The following CCDC12 variants were observed in gnomAD, a reference collection of about 807,000 sequenced individuals.
The protein encoded by CCDC12 is coiled-coil domain containing 12.
CCDC12 carries 28 observed loss-of-function variants against 25.7 expected under a neutral mutation model. The observed-to-expected ratio is 1.09, with a 90% confidence interval of 0.81 to 1.50. CCDC12 has a LOEUF of 1.50. Among genes scored for constraint, CCDC12 ranks in the 40% most tolerant of loss-of-function variants. The pLI is 0.00. For missense variants in CCDC12, 198 were observed against 210.0 expected, an observed-to-expected ratio of 0.94 and a Z score of 0.35; for synonymous variants, 75 against 87.7, an observed-to-expected ratio of 0.86 and a Z score of 0.81.
At chr3:46,957,165 G>C (rs1373712481) in intron 1 of CCDC12, among the ~76,000 whole-genome samples, 1 of 152,126 alleles carries the variant, frequency 6.6e-6, no homozygotes, top group Non-Finnish European at 1.5e-5. Flanking sequence ...ACCCATAAGA[G>C]ACTCCAAATG....
At chr3:46,941,458 G>T (rs911013274) in intron 1 of CCDC12, among the ~76,000 whole-genome samples, 2 of 152,004 alleles carry the variant, frequency 1.3e-5, no homozygotes, top group African/African-American at 4.8e-5. Flanking sequence ...CCAGCTATTC[G>T]GGAGGCTGAG....
At chr3:46,927,899 G>A (rs888943610) in intron 2 of CCDC12, among the ~76,000 whole-genome samples, 8 of 152,192 alleles carry the variant, frequency 5.3e-5, no homozygotes, top group Admixed American at 2.0e-4. Context: ...GCCCACCCCC[G>A]GAATTCCACC....
intron 1 of CCDC12, among the ~76,000 whole-genome samples, chr3:46,949,966 C>T (rs947676656): frequency 3.4e-5 from 5 of 147,588 alleles, no homozygotes; most frequent in Admixed American, 6.9e-5. Context: ...GTAGTGGTTG[C>T]AGTGAGCCAA....
chr3:46,981,965 G>A (rs1434339136), exon 1 of CCDC12: 2 of 152,342 alleles, frequency 1.3e-5, no homozygotes, highest in Non-Finnish European at 2.9e-5. Flanking sequence ...AGGCTGGCAG[G>A]TTGTAGCTTT....
chr3:46,969,104 C>T (rs778665658), intron 1 of CCDC12, among the ~76,000 whole-genome samples: 3 of 152,134 alleles, frequency 2.0e-5, no homozygotes, highest in Non-Finnish European at 4.4e-5. Flanking sequence ...GATCAGGACA[C>T]GGACAAGTCT....
In CCDC12 at chr3:46,934,325, C is replaced by T. The variant is rs536398429; in HGVS notation, c.164+6673G>A. 3.9e-5 allele frequency among the ~76,000 whole-genome samples: 6 copies of T among 152,366 alleles called. No homozygotes were observed. The South Asian group carries it at 1.2e-3, about 32-fold the overall frequency. On this transcript the variant is annotated intron_variant, in intron 2 of 6. Transcript: ENST00000683445. ...AACCCCATAAGGCTGCCCTGAGTGG[C>T]AAACTGCCAGCAGCTGCTGCACTCT...
At chr3:46,976,805 G>C, upstream of CCDC12, 1 of 1,547,390 alleles carries the variant, frequency 6.5e-7, no homozygotes, top group Non-Finnish European at 8.7e-7. Flanking sequence ...TAAATGTCTC[G>C]CGGCCAATCC....
intron 1 of CCDC12, among the ~76,000 whole-genome samples, chr3:46,946,890 A>T (rs1178410968): frequency 6.6e-6 from 1 of 152,170 alleles, no homozygotes; most frequent in East Asian, 1.9e-4. Flanking sequence ...CTTCCCAAGG[A>T]CTCAAACTTT....
At chr3:46,928,746 C>T (rs1029761407) in intron 2 of CCDC12, among the ~76,000 whole-genome samples, 7 of 152,190 alleles carry the variant, frequency 4.6e-5, no homozygotes, top group Middle Eastern at 3.4e-3. Context: ...TCAGTGAATC[C>T]GTTATTCAAG....
chr3:46,930,104 G>T (rs2033148281), intron 2 of CCDC12, among the ~76,000 whole-genome samples: 1 of 151,738 alleles, frequency 6.6e-6, no homozygotes, highest in Non-Finnish European at 1.5e-5. Context: ...TGATCTCCTG[G>T]GCTTAAGCAA....
At chr3:46,976,268 A>C in intron 1 of CCDC12, 1 of 1,061,980 alleles carries the variant, frequency 9.4e-7, no homozygotes. Flanking sequence ...GCGGGGGTTA[A>C]AGACCAGCTA....
intron 3 of CCDC12, 87 bp downstream of exon 3, chr3:46,925,369 T>C: frequency 1.8e-6 from 2 of 1,128,720 alleles, no homozygotes; most frequent in Non-Finnish European, 2.7e-6. Flanking sequence ...CTGGTACTGC[T>C]GGTTATTCTC....
intron 2 of CCDC12, among the ~76,000 whole-genome samples, chr3:46,938,099 CA>C (rs1352593484): frequency 6.6e-6 from 1 of 152,174 alleles, no homozygotes; most frequent in Non-Finnish European, 1.5e-5. Flanking sequence ...TCCACTGCCT[CA>C]AAAGAGGCCA....
At chr3:46,972,287 A>G (rs2034828111) in intron 1 of CCDC12, among the ~76,000 whole-genome samples, 1 of 152,218 alleles carries the variant, frequency 6.6e-6, no homozygotes, top group Non-Finnish European at 1.5e-5. Context: ...TGGGAAACAC[A>G]GTGAGACCCC....
At chr3:46,958,943 A>C (rs2034381788) in intron 1 of CCDC12, among the ~76,000 whole-genome samples, 1 of 152,220 alleles carries the variant, frequency 6.6e-6, no homozygotes, top group Non-Finnish European at 1.5e-5. Flanking sequence ...GTCAATTTCC[A>C]GGCAAGTCAG....
intron 2 of CCDC12, among the ~76,000 whole-genome samples, chr3:46,929,226 GA>G (rs1278263257): frequency 6.6e-6 from 1 of 152,092 alleles, no homozygotes; most frequent in African/African-American, 2.4e-5. Context: ...ATCACTAAAA[GA>G]AAGGGAAAAC....
At chr3:46,957,400 C>T (rs887100090) in intron 1 of CCDC12, among the ~76,000 whole-genome samples, 2 of 152,058 alleles carry the variant, frequency 1.3e-5, no homozygotes, top group African/African-American at 2.4e-5. Context: ...GGCTGGCTCT[C>T]TTTCTTTTTA....
chr3:46,979,869 C>T (rs1447628713), upstream of CCDC12: 2 of 470,030 alleles, frequency 4.3e-6, no homozygotes, highest in Non-Finnish European at 7.7e-6. Context: ...GCCATGGCCG[C>T]CTCGGAGCGG....
chr3:46,954,692 G>A (rs1307282940), intron 1 of CCDC12, among the ~76,000 whole-genome samples: 6 of 152,190 alleles, frequency 3.9e-5, no homozygotes, highest in Non-Finnish European at 4.4e-5. Context: ...CTGGGAGGCC[G>A]AGGCGGGCAG....
Sources: allele counts gnomAD v4.1 joint callset (sites outside exome capture counted in the v4.1 genomes callset), GRCh38; gene constraint gnomAD v4.1.1; transcripts MANE v1.5; gene names NCBI Gene and HGNC (gene_info 2026-07-23, HGNC 2026-07-21).